Variants in TMCO5A observed in about 807,000 individuals in gnomAD.
The protein encoded by TMCO5A is transmembrane and coiled-coil domain-containing protein 5A.
A neutral mutation model predicts 42.3 loss-of-function variants in TMCO5A; 34 were observed. That is an observed-to-expected ratio of 0.80 (90% CI 0.61 to 1.07). The LOEUF (loss-of-function observed/expected upper bound fraction) is 1.07. Ranked by LOEUF, TMCO5A falls within the 50% of genes least tolerant of loss-of-function variation. TMCO5A has a pLI of 0.00. For synonymous variants in TMCO5A, 131 were observed against 115.6 expected (o/e 1.13, Z -0.86); for missense variants, 357 against 327.9 (o/e 1.09, Z -0.69).
intron 11 of TMCO5A, among the ~76,000 whole-genome samples, chr15:37,959,608 C>T (rs1890372244): frequency 6.6e-6 from 1 of 151,962 alleles, no homozygotes; most frequent in South Asian, 2.1e-4. Context: ...TCAATTGATG[C>T]TGAAAAAGCA....
the TMCO5A span, among the ~76,000 whole-genome samples, chr15:37,987,473 AT>A: frequency 0.011 from 1,680 of 152,068 alleles, 20 homozygotes; most frequent in Admixed American, 0.035. Flanking sequence ...ATCTAGTGTT[AT>A]AAAGACTTTG....
chr15:38,010,648 T>G, the TMCO5A span, among the ~76,000 whole-genome samples: 11 of 152,104 alleles, frequency 7.2e-5, no homozygotes, highest in African/African-American at 2.7e-4. Context: ...TCCATAACCA[T>G]GAAAAAATAA....
At chr15:37,951,944 G>C (rs949897347), downstream of TMCO5A, among the ~76,000 whole-genome samples, 1 of 152,038 alleles carries the variant, frequency 6.6e-6, no homozygotes, top group Admixed American at 6.6e-5. Context: ...TTTCTGTGTG[G>C]TGAGGAGAGA....
the TMCO5A span, among the ~76,000 whole-genome samples, chr15:37,976,290 G>T: frequency 2.0e-5 from 3 of 151,372 alleles, no homozygotes; most frequent in Non-Finnish European, 2.9e-5. Context: ...TTAGTCTGGT[G>T]CAGTTCCCTT....
rs2140255282 is a variant in TMCO5A, at chr15:37,936,897, G to A, written c.191G>A (p.Trp64Ter). Residue 64 changes from tryptophan to a stop codon, truncating the protein, a stop_gained, in exon 4 of 12, where the codon TGG becomes TAG. Transcript: ENST00000319669. LOFTEE classifies it high-confidence loss of function. ...CGGGGCCTGGTGGAAGATGAAGAGT[G>A]GGAGAAGGAGAACCGCACCACGATG... ...QTRGLVEDEE[W>*]EKENRTTMER... The A allele has an allele frequency of 6.2e-7, 1 of 1,612,508 alleles. No individual in the cohort carries two copies. Among genetic ancestry groups the A allele is most frequent in the Non-Finnish European group, 8.5e-7 (1 of 1,179,160 alleles).
the TMCO5A span, among the ~76,000 whole-genome samples, chr15:38,025,386 A>C: frequency 6.6e-6 from 1 of 152,110 alleles, no homozygotes; most frequent in African/African-American, 2.4e-5. Context: ...AAAAAGGTAC[A>C]CAAAGACAAC....
At chr15:37,941,872 C>T in intron 8 of TMCO5A, 142 bp downstream of exon 8, 1 of 697,172 alleles carries the variant, frequency 1.4e-6, no homozygotes, top group East Asian at 2.7e-5. Flanking sequence ...TCATCAGCAC[C>T]CCACCTCACT....
chr15:37,980,431 T>C, the TMCO5A span, among the ~76,000 whole-genome samples: 7 of 152,118 alleles, frequency 4.6e-5, no homozygotes, highest in African/African-American at 1.7e-4. Flanking sequence ...GGGGAGCCTC[T>C]CCCGGCTCCC....
the TMCO5A span, among the ~76,000 whole-genome samples, chr15:38,014,500 A>G: frequency 1.3e-5 from 2 of 152,136 alleles, no homozygotes; most frequent in African/African-American, 4.8e-5. Context: ...ATTTGCTAGA[A>G]CTAATGACAT....
chr15:37,950,047 A>G (rs1384437234), intron 11 of TMCO5A, among the ~76,000 whole-genome samples: 1 of 152,214 alleles, frequency 6.6e-6, no homozygotes, highest in Non-Finnish European at 1.5e-5. Context: ...TCCTCACAAC[A>G]TGACTGCTGT....
chr15:37,988,526 C>T, the TMCO5A span, among the ~76,000 whole-genome samples: 1 of 151,778 alleles, frequency 6.6e-6, no homozygotes, highest in East Asian at 1.9e-4. Context: ...GTTTTCTTAT[C>T]TTCCTAGTTT....
downstream of TMCO5A, among the ~76,000 whole-genome samples, chr15:37,969,266 G>A (rs912564612): frequency 3.3e-5 from 5 of 152,172 alleles, no homozygotes; most frequent in Admixed American, 1.3e-4. Flanking sequence ...TTCCATCCTA[G>A]ATGAATATCT....
chr15:37,996,473 C>A, the TMCO5A span, among the ~76,000 whole-genome samples: 1 of 152,172 alleles, frequency 6.6e-6, no homozygotes, highest in African/African-American at 2.4e-5. Flanking sequence ...TGTCTAATGA[C>A]CAAGTTTCAC....
At chr15:38,034,342 G>A in the TMCO5A span, among the ~76,000 whole-genome samples, 1 of 152,282 alleles carries the variant, frequency 6.6e-6, no homozygotes, top group African/African-American at 2.4e-5. Flanking sequence ...GAGCACCAGA[G>A]TCCTAAAATA....
At chr15:37,950,252 T>C (rs1204275470) in intron 11 of TMCO5A, among the ~76,000 whole-genome samples, 1 of 122,198 alleles carries the variant, frequency 8.2e-6, no homozygotes, top group East Asian at 2.5e-4. Context: ...TAAACTAACA[T>C]AGACTTTTAA....
chr15:37,969,637 C>T (rs1890635685), downstream of TMCO5A, among the ~76,000 whole-genome samples: 1 of 152,166 alleles, frequency 6.6e-6, no homozygotes, highest in African/African-American at 2.4e-5. Flanking sequence ...CTTTGTTATA[C>T]AGATTATTTC....
intron 10 of TMCO5A, among the ~76,000 whole-genome samples, chr15:37,946,159 T>C (rs1168889744): frequency 6.6e-6 from 1 of 152,170 alleles, no homozygotes; most frequent in Non-Finnish European, 1.5e-5. Context: ...GTCAGGTTTA[T>C]TGAAGATCAG....
chr15:37,937,491 A>T (rs2140256923), intron 5 of TMCO5A, 95 bp downstream of exon 5: 1 of 1,350,424 alleles, frequency 7.4e-7, no homozygotes, highest in Admixed American at 1.8e-5. Context: ...AGGAACCCAT[A>T]AGTCAGAGAG....
chr15:38,029,947 A>G, the TMCO5A span, among the ~76,000 whole-genome samples: 3 of 152,158 alleles, frequency 2.0e-5, no homozygotes, highest in African/African-American at 7.2e-5. Context: ...GCAGCTGATA[A>G]TACACTCTTC....
Sources: allele counts gnomAD v4.1 joint callset (sites outside exome capture counted in the v4.1 genomes callset), GRCh38; gene constraint gnomAD v4.1.1; transcripts MANE v1.5; gene names NCBI Gene and HGNC (gene_info 2026-07-23, HGNC 2026-07-21).